CYB5R3: variants seen among roughly 807,000 people sequenced by gnomAD.
The protein encoded by CYB5R3 is NADH-cytochrome b5 reductase 3.
In CYB5R3, 28 loss-of-function variants were observed where a neutral mutation model predicts 36.5. The ratio of observed to expected loss-of-function variants is 0.77; its 90% CI spans 0.57 to 1.05. CYB5R3 has a LOEUF of 1.05. Ranked by LOEUF, CYB5R3 falls within the 50% of genes least tolerant of loss-of-function variation. The pLI, the probability that CYB5R3 is intolerant of heterozygous loss-of-function variation, is 0.00. For missense variants in CYB5R3, 474 were observed against 408.9 expected (o/e 1.16, Z -1.37); for synonymous variants, 181 against 159.8 (o/e 1.13, Z -1.00).
In CYB5R3 at chr22:42,623,820, C is replaced by T. The variant is rs199593698; in HGVS notation, c.702G>A (p.Lys234=). 9.9e-6 allele frequency: 16 copies of T among 1,614,212 alleles called. No individual in the cohort carries two copies. Residue 234 remains lysine, a synonymous_variant, in exon 8 of 9, where the codon AAG becomes AAA. Coordinates refer to ENST00000352397, the MANE Select transcript of CYB5R3 (RefSeq NM_000398.7). ...ELRNKHSARF[K]LWYTLDRAPE... is the part of the protein sequence containing the mutation. ...GGGCTCTGTCCAGCGTGTACCAGAG[C>T]TTGAAGCGTGCAGAATGTTTGTTCC...
chr22:42,620,072 AC>A, intron 8 of CYB5R3, 127 bp from the exon 9 acceptor site: 1 of 944,790 alleles, frequency 1.1e-6, no homozygotes, highest in Non-Finnish European at 1.7e-6. Context: ...GCAAACTGTC[AC>A]CAGGACCCCC....
At position 42,646,722 on chromosome 22, in the gene CYB5R3, T is replaced by C. The variant is rs1003353599; in HGVS notation, c.21+2573A>G. On this transcript the variant is annotated intron_variant, in intron 1 of 8. Coordinates refer to ENST00000352397, the MANE Select transcript of CYB5R3 (RefSeq NM_000398.7). Reference sequence around the variant, plus strand: ...TGGTCCTGTTCTAACCGGGAGGAAGTGGGAGGGAGTGGAGGAAGTTCTGCA... The same window carrying C: ...TGGTCCTGTTCTAACCGGGAGGAAGCGGGAGGGAGTGGAGGAAGTTCTGCA... 7.1e-6 allele frequency: 7 copies of C among 985,104 alleles called. No homozygotes were observed. In the Admixed American group the frequency reaches 4.3e-4, roughly 61 times the overall value. 61.0% of individuals were successfully genotyped at this position (985,104 alleles called of 1,614,324 possible).
At chr22:42,642,402 T>C (rs5758830) in intron 1 of CYB5R3, among the ~76,000 whole-genome samples, 96,544 of 152,036 alleles carry the variant, frequency 0.64, 30,876 homozygotes, top group East Asian at 0.87. Context: ...TATAAGCCCC[T>C]GCGTCCAGCC....
rs752824154 is a variant in CYB5R3 at position 42,619,849 on chromosome 22, G to T, written c.830C>A (p.Pro277Gln). The T allele has an allele frequency of 6.9e-6, 11 of 1,605,162 alleles. No individual in the cohort carries two copies. The highest frequency in any genetic ancestry group is 1.7e-5 in the Admixed American group (1 of 58,714). Residue 277 changes from proline (P) to glutamine (Q), a missense_variant, in exon 9 of 9, where the codon CCA (proline) becomes CAA (glutamine). Coordinates refer to ENST00000352397, the MANE Select transcript of CYB5R3 (RefSeq NM_000398.7). ...EEPLVLMCGP[P>Q]PMIQYACLPN... ...AAGGCAGGCGTACTGGATCATGGGTGGGGGGCCACACATCAGCACCAGCGG... is the reference window on the plus strand; with the variant it reads ...AAGGCAGGCGTACTGGATCATGGGTTGGGGGCCACACATCAGCACCAGCGG...
intron 8 of CYB5R3, among the ~76,000 whole-genome samples, chr22:42,621,182 T>TTGTG (rs1219788150): frequency 7.3e-4 from 77 of 105,076 alleles, no homozygotes; most frequent in Middle Eastern, 4.6e-3. Flanking sequence ...GATTTCTTTT[T>TTGTG]AGTGTGTGTG....
rs1388998071 is a variant in CYB5R3 at position 42,628,164 on chromosome 22, A to G, written c.451T>C (p.Tyr151His). 3.1e-6 allele frequency: 5 copies of G among 1,614,086 alleles called. No homozygotes were observed. The highest frequency in any genetic ancestry group is 4.2e-6 in the Non-Finnish European group (5 of 1,179,978). Residue 151 changes from tyrosine to histidine, a missense_variant, in exon 5 of 9, where the codon TAC (tyrosine) becomes CAC (histidine). Transcript: ENST00000352397. ...EFRGPSGLLV[Y>H]QGKGKFAIRP... ...CGACCCGAATCACCTTTGCCCTGGTAGACCAGCAGCCCACTGGGGCCCCGG... is the reference window on the plus strand; with the variant it reads ...CGACCCGAATCACCTTTGCCCTGGTGGACCAGCAGCCCACTGGGGCCCCGG...
chr22:42,637,275 T>C (rs1928949036), intron 1 of CYB5R3, among the ~76,000 whole-genome samples: 1 of 152,232 alleles, frequency 6.6e-6, no homozygotes, highest in Admixed American at 6.5e-5. Flanking sequence ...TGTCAAGTTC[T>C]AGCTTGATTT....
chr22:42,626,613 G>A (rs1928281902), intron 7 of CYB5R3, among the ~76,000 whole-genome samples: 1 of 152,226 alleles, frequency 6.6e-6, no homozygotes, highest in African/African-American at 2.4e-5. Context: ...TGGCCTTGCG[G>A]CAGTTTTCTG....
intron 7 of CYB5R3, 93 bp from the exon 8 acceptor site, chr22:42,623,981 C>A: frequency 1.8e-6 from 2 of 1,092,406 alleles, no homozygotes; most frequent in Non-Finnish European, 2.8e-6. Context: ...TCGCGCCCGC[C>A]TGCGGGCCAC....
intron 4 of CYB5R3, among the ~76,000 whole-genome samples, chr22:42,630,544 G>A (rs905509607): frequency 5.9e-5 from 9 of 152,220 alleles, no homozygotes; most frequent in Non-Finnish European, 1.0e-4. Flanking sequence ...GCAGGTACCT[G>A]TCCTTGTTTG....
At chr22:42,622,011 C>T (rs1927999304) in intron 8 of CYB5R3, among the ~76,000 whole-genome samples, 1 of 152,250 alleles carries the variant, frequency 6.6e-6, no homozygotes, top group South Asian at 2.1e-4. Context: ...GCAACCTCTG[C>T]CTCCCGGGTT....
intron 7 of CYB5R3, among the ~76,000 whole-genome samples, chr22:42,624,302 T>G (rs894489226): frequency 1.3e-5 from 2 of 152,180 alleles, no homozygotes; most frequent in Non-Finnish European, 2.9e-5. Context: ...AATGGCCCCG[T>G]GAGAAGGCTC....
At chr22:42,648,329 G>A (rs895269036) in intron 1 of CYB5R3, among the ~76,000 whole-genome samples, 3 of 152,152 alleles carry the variant, frequency 2.0e-5, no homozygotes, top group African/African-American at 7.2e-5. Context: ...TCCTGTGCCA[G>A]CCTCCCCACG....
intron 2 of CYB5R3, among the ~76,000 whole-genome samples, chr22:42,634,274 C>A (rs942686980): frequency 2.4e-4 from 36 of 150,426 alleles, no homozygotes; most frequent in African/African-American, 8.5e-4. Context: ...GGCAGGAGAA[C>A]CGCTTGAACC....
chr22:42,631,503 G>A lies in CYB5R3; in HGVS notation c.154-53C>T, dbSNP rs981289670. 14 of 1,514,970 alleles carry A rather than the reference G, an allele frequency of 9.2e-6. No homozygotes were observed. In the African/African-American group the frequency reaches 1.8e-4, roughly 19 times the overall value. 93.8% of individuals were successfully genotyped at this position (1,514,970 alleles called of 1,614,324 possible). A position where few individuals can be genotyped will look rare whatever the true frequency, so the allele number is the denominator to read the frequency against. On this transcript the variant is annotated intron_variant, in intron 2 of 8. Transcript: ENST00000352397. ...GGTCCCCAGGGCAGAGGCCTCCCAG[G>A]GCGGCTCCCAGGCCTCGGAGCCCCC...
intron 1 of CYB5R3, among the ~76,000 whole-genome samples, chr22:42,639,465 C>T (rs1402765287): frequency 6.6e-6 from 1 of 151,844 alleles, no homozygotes; most frequent in East Asian, 1.9e-4. Context: ...GCGTCTCTAC[C>T]AAAAATACAA....
intron 1 of CYB5R3, chr22:42,647,076 ACC>A: frequency 2.9e-6 from 2 of 688,020 alleles, no homozygotes; most frequent in Non-Finnish European, 3.6e-6. Context: ...TAGATAAGAC[ACC>A]TAGAGCACCA....
chr22:42,644,640 TTCCTCTGCTA>T, intron 1 of CYB5R3: 1 of 1,435,014 alleles, frequency 7.0e-7, no homozygotes, highest in South Asian at 1.5e-5. Context: ...ATTCCGAGGA[TTCCTCTGCTA>T]TCGACCTCTC....
At chr22:42,625,942 G>A (rs1199885211) in intron 7 of CYB5R3, among the ~76,000 whole-genome samples, 1 of 152,222 alleles carries the variant, frequency 6.6e-6, no homozygotes, top group Non-Finnish European at 1.5e-5. Context: ...GAATCTAGCT[G>A]TCCTATGAAG....
Sources: allele counts gnomAD v4.1 joint callset (sites outside exome capture counted in the v4.1 genomes callset), GRCh38; gene constraint gnomAD v4.1.1; transcripts MANE v1.5; gene names NCBI Gene and HGNC (gene_info 2026-07-23, HGNC 2026-07-21).